The following RAB27B variants were observed in gnomAD, a reference collection of about 807,000 sequenced individuals.
RAB27B encodes ras-related protein Rab-27B.
In RAB27B, 15 loss-of-function variants were observed where a neutral mutation model predicts 24.6. The ratio of observed to expected loss-of-function variants is 0.61; its 90% CI spans 0.41 to 0.94. RAB27B has a LOEUF of 0.94. Among genes scored for constraint, RAB27B ranks in the 40% least tolerant of loss-of-function variants. The probability of loss-of-function intolerance (pLI) is 0.00; values close to 1 mark genes in which losing one functional copy is unlikely to be tolerated. For missense variants in RAB27B, 261 were observed against 266.8 expected, an observed-to-expected ratio of 0.98 and a Z score of 0.15; for synonymous variants, 105 against 92.5, an observed-to-expected ratio of 1.14 and a Z score of -0.78.
At chr18:54,822,389 C>G (rs566268784) in intron 2 of RAB27B, among the ~76,000 whole-genome samples, 1 of 152,222 alleles carries the variant, frequency 6.6e-6, no homozygotes, top group East Asian at 1.9e-4. Context: ...GTTTAAAAAG[C>G]AGCAAAATTA....
At chr18:54,877,934 A>G (rs1214006412) in intron 2 of RAB27B, among the ~76,000 whole-genome samples, 196 bp downstream of exon 2, 5 of 152,004 alleles carry the variant, frequency 3.3e-5, no homozygotes, top group African/African-American at 9.7e-5. Flanking sequence ...ATTAAGTGGC[A>G]CTCTCTCTTG....
intron 1 of RAB27B, among the ~76,000 whole-genome samples, chr18:54,844,054 T>C (rs775916986): frequency 2.6e-5 from 4 of 152,038 alleles, no homozygotes; most frequent in Non-Finnish European, 5.9e-5. Flanking sequence ...CAGGGTGGGG[T>C]CTGAGATAAT....
intron 2 of RAB27B, among the ~76,000 whole-genome samples, chr18:54,749,936 A>G (rs1038020483): frequency 1.3e-5 from 2 of 152,184 alleles, no homozygotes; most frequent in African/African-American, 4.8e-5. Context: ...AAAAATAAAT[A>G]CTGTTTAGAA....
chr18:54,833,222 T>C (rs1340273674), intron 1 of RAB27B, among the ~76,000 whole-genome samples: 4 of 104,490 alleles, frequency 3.8e-5, no homozygotes, highest in South Asian at 3.7e-4. Context: ...TCTTTTCTTT[T>C]TTTCTTTCTT....
chr18:54,802,044 G>A (rs1449918368), intron 2 of RAB27B, among the ~76,000 whole-genome samples: 2 of 152,178 alleles, frequency 1.3e-5, no homozygotes, highest in African/African-American at 4.8e-5. Flanking sequence ...TGTTGAGTAA[G>A]ATACTTGACT....
chr18:54,742,811 T>A (rs561562006), intron 2 of RAB27B, among the ~76,000 whole-genome samples: 6 of 152,314 alleles, frequency 3.9e-5, no homozygotes, highest in Non-Finnish European at 7.4e-5. Context: ...CTTTCCTCTG[T>A]GGATGTTGGC....
chr18:54,756,899 A>T (rs577350512), intron 2 of RAB27B, among the ~76,000 whole-genome samples: 1 of 152,280 alleles, frequency 6.6e-6, no homozygotes, highest in South Asian at 2.1e-4. Context: ...TTCATATTTC[A>T]TCTTAGTTAA....
intron 1 of RAB27B, among the ~76,000 whole-genome samples, chr18:54,873,750 CAT>C (rs1411688763): frequency 6.8e-6 from 1 of 146,974 alleles, no homozygotes; most frequent in East Asian, 2.0e-4. Flanking sequence ...CAGAGACAGA[CAT>C]AGACAGAGTG....
At chr18:54,723,627 G>A (rs1909430836) in intron 2 of RAB27B, among the ~76,000 whole-genome samples, 1 of 151,498 alleles carries the variant, frequency 6.6e-6, no homozygotes, top group African/African-American at 2.4e-5. Flanking sequence ...TAGAGAATTA[G>A]ATAGACATAG....
At chr18:54,812,994 T>C (rs1400923662) in intron 2 of RAB27B, among the ~76,000 whole-genome samples, 2 of 152,142 alleles carry the variant, frequency 1.3e-5, no homozygotes, top group African/African-American at 4.8e-5. Context: ...TTTTACCCCT[T>C]AGTTGACATA....
chr18:54,770,687 C>A (rs138872644), intron 2 of RAB27B, among the ~76,000 whole-genome samples: 1 of 151,978 alleles, frequency 6.6e-6, no homozygotes, highest in Non-Finnish European at 1.5e-5. Context: ...TTTCGGGGAC[C>A]GCTACTCTTT....
At chr18:54,828,821 C>T in intron 1 of RAB27B, 121 bp downstream of exon 1, 2 of 152,520 alleles carry the variant, frequency 1.3e-5, no homozygotes, top group Non-Finnish European at 2.9e-5. Context: ...TGTGTGAGTG[C>T]GTGTGCACCT....
At chr18:54,849,111 C>T (rs1037307875) in intron 1 of RAB27B, among the ~76,000 whole-genome samples, 4 of 152,076 alleles carry the variant, frequency 2.6e-5, no homozygotes, top group Non-Finnish European at 4.4e-5. Flanking sequence ...AGCTCAGAAA[C>T]GTCGATGTAA....
intron 1 of RAB27B, among the ~76,000 whole-genome samples, chr18:54,859,751 C>T (rs1055312698): frequency 1.3e-5 from 2 of 152,146 alleles, no homozygotes; most frequent in African/African-American, 2.4e-5. Flanking sequence ...TGTTTTATAT[C>T]GGAAAACACT....
chr18:54,749,720 C>T (rs1308973476), intron 2 of RAB27B, among the ~76,000 whole-genome samples: 3 of 152,050 alleles, frequency 2.0e-5, no homozygotes, highest in Non-Finnish European at 4.4e-5. Context: ...CAATTATTAG[C>T]GACTTATCTT....
At chr18:54,880,613 G>T (rs1912885815) in intron 3 of RAB27B, 1 of 152,138 alleles carries the variant, frequency 6.6e-6, no homozygotes, top group African/African-American at 2.4e-5. Context: ...AACACTGCTG[G>T]TTCCTCTGAA....
chr18:54,873,682 A>G (rs1434042401), intron 1 of RAB27B, among the ~76,000 whole-genome samples: 1 of 113,566 alleles, frequency 8.8e-6, no homozygotes, highest in African/African-American at 3.4e-5. Flanking sequence ...GCTGAGCCAA[A>G]TCCTGTGTGT....
In RAB27B at chr18:54,884,324, C is replaced by G. The variant is rs764075021; in HGVS notation, c.240-9C>G. On this transcript the variant is annotated splice_polypyrimidine_tract_variant and intron_variant, in intron 3 of 5. Transcript: ENST00000262094. ...ACTTTCAGAACTACCCACTGTGTTT[C>G]CTTGGCAGGTTCCGGAGTCTCACCA... The G allele has an allele frequency of 6.3e-7, 1 of 1,581,428 alleles. No homozygotes were observed. Among genetic ancestry groups the G allele is most frequent in the East Asian group, 2.2e-5 (1 of 44,674 alleles).
chr18:54,886,651 A>G (rs1022602167), intron 4 of RAB27B, among the ~76,000 whole-genome samples: 1 of 152,102 alleles, frequency 6.6e-6, no homozygotes, highest in African/African-American at 2.4e-5. Flanking sequence ...CCAGGAGACA[A>G]GGAGATAATA....
Sources: allele counts gnomAD v4.1 joint callset (sites outside exome capture counted in the v4.1 genomes callset), GRCh38; gene constraint gnomAD v4.1.1; transcripts MANE v1.5; gene names NCBI Gene and HGNC (gene_info 2026-07-23, HGNC 2026-07-21).